The following NARS2 variants were observed in gnomAD, a reference collection of about 807,000 sequenced individuals.
NARS2 encodes asparaginyl-tRNA synthetase.
In NARS2, 60 loss-of-function variants were observed where a neutral mutation model predicts 62.9. The observed-to-expected ratio is 0.95, with a 90% CI of 0.77 to 1.18. The LOEUF is 1.18. Ranked by LOEUF, NARS2 falls within the 50% of genes most tolerant of loss-of-function variation. The pLI, the probability that NARS2 is intolerant of heterozygous loss-of-function variation, is 0.00. For synonymous variants in NARS2, 196 were observed against 200.0 expected, an observed-to-expected ratio of 0.98 and a Z score of 0.17; for missense variants, 619 against 576.4, an observed-to-expected ratio of 1.07 and a Z score of -0.76.
At chr11:78,440,684 C>T (rs550999347) in intron 13 of NARS2, among the ~76,000 whole-genome samples, 31 of 152,196 alleles carry the variant, frequency 2.0e-4, no homozygotes, top group African/African-American at 7.0e-4. Flanking sequence ...AGGTGCCTGC[C>T]ACCATACCCG....
chr11:78,452,876 G>C (rs1338838227), intron 11 of NARS2, among the ~76,000 whole-genome samples: 1 of 152,066 alleles, frequency 6.6e-6, no homozygotes, highest in Non-Finnish European at 1.5e-5. Context: ...GTACTTTATG[G>C]AAAAAGATAT....
rs965232875 is a variant in NARS2 at position 78,521,166 on chromosome 11, CT to C, written c.689+7675del. 7.7e-3 allele frequency among the ~76,000 whole-genome samples: 1,036 copies of C among 135,122 alleles called. 8 individuals carry two copies. The highest frequency in any genetic ancestry group is 0.02 in the Middle Eastern group (5 of 256). 88.6% of individuals were successfully genotyped at this position (135,122 alleles called of 152,430 possible). Reference sequence around the variant, plus strand: ...ATTTGTTTTCTTATTCTCTCTCTTTCTTTTTTTTTTTTTTAAGAGGTGGGGT... The same window carrying C: ...ATTTGTTTTCTTATTCTCTCTCTTTCTTTTTTTTTTTTTAAGAGGTGGGGT... On this transcript the variant is annotated intron_variant, in intron 6 of 13. Transcript: ENST00000281038.
At chr11:78,506,320 CTAGT>C (rs1299827290) in intron 6 of NARS2, among the ~76,000 whole-genome samples, 1 of 152,186 alleles carries the variant, frequency 6.6e-6, no homozygotes, top group East Asian at 1.9e-4. Flanking sequence ...AACTTAATTC[CTAGT>C]TATTTACCCA....
At chr11:78,443,632 A>C in intron 12 of NARS2, 29 bp downstream of exon 12, 2 of 1,539,820 alleles carry the variant, frequency 1.3e-6, no homozygotes, top group East Asian at 2.2e-5. Context: ...CAATTTCTCA[A>C]TTGTGTTTCT....
rs184054139 is a variant in NARS2, at chr11:78,515,544, G to A, written c.689+13298C>T. On this transcript the variant is annotated intron_variant, in intron 6 of 13. Transcript: ENST00000281038. ...TACTTTTATTTCTTTTAAGAGACAG[G>A]GTCTGGTTCTGTTACTCTGGCTGGA... is the stretch of plus-strand genomic sequence containing the variant. Among the ~76,000 whole-genome samples, 237 of 152,158 alleles carry A rather than the reference G, an allele frequency of 1.6e-3. 1 individual carries two copies. The highest frequency in any genetic ancestry group is 5.4e-3 in the African/African-American group (224 of 41,508).
intron 11 of NARS2, among the ~76,000 whole-genome samples, chr11:78,455,138 C>T (rs1858112318): frequency 6.6e-6 from 1 of 152,106 alleles, no homozygotes; most frequent in African/African-American, 2.4e-5. Context: ...TTTCATCTTG[C>T]CAGTATCTTA....
chr11:78,533,005 T>G (rs1861535083), intron 5 of NARS2, among the ~76,000 whole-genome samples: 1 of 152,172 alleles, frequency 6.6e-6, no homozygotes, highest in Non-Finnish European at 1.5e-5. Context: ...CAGTCTCAAA[T>G]TTTGCACTTG....
At chr11:78,553,524 A>G (rs369219285) in intron 5 of NARS2, among the ~76,000 whole-genome samples, 24 of 152,180 alleles carry the variant, frequency 1.6e-4, no homozygotes, top group African/African-American at 5.8e-4. Context: ...CCTGACCTCA[A>G]GTGATCCATC....
intron 5 of NARS2, among the ~76,000 whole-genome samples, chr11:78,553,445 T>C (rs111793653): frequency 0.024 from 3,612 of 152,178 alleles, 131 homozygotes; most frequent in African/African-American, 0.082. Flanking sequence ...TGTGCCACCA[T>C]GCCCGGCTAA....
intron 5 of NARS2, among the ~76,000 whole-genome samples, chr11:78,539,899 TAAAC>T (rs1435785692): frequency 2.6e-5 from 4 of 152,200 alleles, no homozygotes; most frequent in South Asian, 2.1e-4. Flanking sequence ...AGCTATCTGA[TAAAC>T]AAAGTCATTC....
intron 13 of NARS2, among the ~76,000 whole-genome samples, chr11:78,438,754 G>A (rs1407280697): frequency 1.3e-5 from 2 of 152,128 alleles, no homozygotes; most frequent in African/African-American, 4.8e-5. Context: ...TTGCATATGG[G>A]GTACAGAAAT....
At chr11:78,461,513 G>A (rs915388189) in intron 11 of NARS2, among the ~76,000 whole-genome samples, 1 of 143,698 alleles carries the variant, frequency 7.0e-6, no homozygotes, top group Non-Finnish European at 1.5e-5. Flanking sequence ...GATCATTACT[G>A]ATCCTAACAA....
intron 10 of NARS2, 112 bp from the exon 11 acceptor site, chr11:78,466,125 AT>A (rs939888625): frequency 3.7e-5 from 41 of 1,110,594 alleles, no homozygotes; most frequent in Non-Finnish European, 6.4e-6. Flanking sequence ...CTGAGGCTCC[AT>A]GTGTGGAGCT....
intron 6 of NARS2, among the ~76,000 whole-genome samples, chr11:78,526,154 G>C (rs1430607620): frequency 1.3e-5 from 2 of 152,112 alleles, no homozygotes; most frequent in Non-Finnish European, 2.9e-5. Flanking sequence ...TCTTGGTTTT[G>C]ACAAATGTAT....
In NARS2 at chr11:78,457,129, T is replaced by A. The variant is rs978505417; in HGVS notation, c.1164+8747A>T. ...ATCTAGATTTCAAACCCAGAACCAC[T>A]CTGCATCCTGTGTACTTTTCAGTAC... On this transcript the variant is annotated intron_variant, in intron 11 of 13. Coordinates refer to ENST00000281038, the MANE Select transcript of NARS2 (RefSeq NM_024678.6). 2.6e-5 allele frequency among the ~76,000 whole-genome samples: 4 copies of A among 152,224 alleles called. No homozygotes were observed. The South Asian group carries it at 6.2e-4, about 24-fold the overall frequency.
chr11:78,495,795 A>C (rs1296022048), intron 6 of NARS2, among the ~76,000 whole-genome samples: 1 of 152,228 alleles, frequency 6.6e-6, no homozygotes, highest in Non-Finnish European at 1.5e-5. Flanking sequence ...CTGAGTTTCC[A>C]ATCTGTGACT....
intron 7 of NARS2, 74 bp downstream of exon 7, chr11:78,492,989 C>T (rs1184368846): frequency 3.7e-6 from 5 of 1,345,980 alleles, no homozygotes; most frequent in Middle Eastern, 1.9e-4. Flanking sequence ...AACACATAAA[C>T]GTCCGAGGTA....
intron 5 of NARS2, among the ~76,000 whole-genome samples, chr11:78,550,320 C>T (rs1590850773): frequency 6.6e-6 from 1 of 152,170 alleles, no homozygotes; most frequent in African/African-American, 2.4e-5. Flanking sequence ...TCCCACCTTG[C>T]GCCTTACAAG....
At chr11:78,513,416 T>A (rs753207844) in intron 6 of NARS2, among the ~76,000 whole-genome samples, 77 of 151,606 alleles carry the variant, frequency 5.1e-4, no homozygotes, top group Admixed American at 1.6e-3. Context: ...CTTGCCAGCC[T>A]CTGGTAACCA....
Sources: gnomAD v4.1 joint callset for allele counts (sites outside exome capture counted in the v4.1 genomes callset) on GRCh38, gnomAD v4.1.1 for gene constraint, MANE v1.5 for transcripts, NCBI Gene and HGNC (gene_info 2026-07-23, HGNC 2026-07-21) for gene names.